A3GALT2: variants seen among roughly 807,000 people sequenced by gnomAD.
A3GALT2 encodes the protein alpha 1,3-galactosyltransferase 2, also known as alpha-1,3-galactosyltransferase 2.
In A3GALT2, 14 loss-of-function variants were observed where a neutral mutation model predicts 16.6. That is an observed-to-expected ratio of 0.84 (90% CI 0.56 to 1.32). The LOEUF is 1.32. Ranked by LOEUF, A3GALT2 falls within the 40% of genes most tolerant of loss-of-function variation. A3GALT2 has a pLI of 0.00. For missense variants in A3GALT2, 600 were observed against 490.9 expected (o/e 1.22, Z -2.10); for synonymous variants, 253 against 218.0 (o/e 1.16, Z -1.42).
chr1:33,314,959 AC>A (rs1464245606), intron 1 of A3GALT2: 1 of 152,184 alleles, frequency 6.6e-6, no homozygotes. Flanking sequence ...TTAAAAAAAA[AC>A]ATAATAGGGC....
intron 1 of A3GALT2, among the ~76,000 whole-genome samples, chr1:33,318,846 C>T (rs1006462279): frequency 6.6e-6 from 1 of 152,228 alleles, no homozygotes; most frequent in East Asian, 1.9e-4. Flanking sequence ...CTGTCTGCCT[C>T]ACTCATTATG....
Position 33,307,020 on chromosome 1 carries a change from C to A in A3GALT2, c.769G>T (p.Val257Leu). Reference protein sequence around the residue: ...GQGDFYNHAAVFGGSVAALRG... With the variant: ...GQGDFYNHAALFGGSVAALRG... ...AGCGCCGCCACGCTGCCCCCGAACA[C>A]CGCCGCGTGGTTATAGAAGTCGCCC... Residue 257 changes from valine to leucine, a missense_variant, in exon 5 of 5, where the codon GTG (valine) becomes TTG (leucine). Transcript: ENST00000442999. 1 of 1,479,308 alleles carries A rather than the reference C, an allele frequency of 6.8e-7. No homozygotes were observed. Among genetic ancestry groups the A allele is most frequent in the Non-Finnish European group, 8.9e-7 (1 of 1,119,822 alleles). 91.6% of individuals were successfully genotyped at this position (1,479,308 alleles called of 1,614,324 possible).
chr1:33,310,627 C>G (rs899370304), intron 4 of A3GALT2, among the ~76,000 whole-genome samples: 1 of 152,156 alleles, frequency 6.6e-6, no homozygotes, highest in Non-Finnish European at 1.5e-5. Flanking sequence ...AGTGGTTGAG[C>G]CAGGATTTGA....
At position 33,307,454 on chromosome 1, in the gene A3GALT2, C is replaced by A; in HGVS notation, c.336-1G>T. 1.3e-6 allele frequency: 2 copies of A among 1,497,126 alleles called. No individual in the cohort carries two copies. Among genetic ancestry groups the A allele is most frequent in the Admixed American group, 2.4e-5 (1 of 41,438 alleles). 92.7% of individuals were successfully genotyped at this position (1,497,126 alleles called of 1,614,324 possible). On this transcript the variant is annotated splice_acceptor_variant, in intron 4 of 4. Coordinates refer to ENST00000442999, the MANE Select transcript of A3GALT2 (RefSeq NM_001080438.1). LOFTEE classifies it high-confidence loss of function. ...GCGCTCCAGGTACTTCTCCAGGTATCTAAGGGCGCGGCGCCACCGTCAGCC... is the reference window on the plus strand; with the variant it reads ...GCGCTCCAGGTACTTCTCCAGGTATATAAGGGCGCGGCGCCACCGTCAGCC...
At chr1:33,310,948 T>C (rs1430583573) in intron 4 of A3GALT2, among the ~76,000 whole-genome samples, 2 of 152,124 alleles carry the variant, frequency 1.3e-5, no homozygotes, top group Non-Finnish European at 2.9e-5. Flanking sequence ...GTCCTTTTCA[T>C]CCCCTTGCCT....
rs1416311351 is a variant in A3GALT2, at chr1:33,307,174, G to C, written c.615C>G (p.Ser205Arg). 1 of 1,551,594 alleles carries C rather than the reference G, an allele frequency of 6.4e-7. No individual in the cohort carries two copies. The highest frequency in any genetic ancestry group is 8.7e-7 in the Non-Finnish European group (1 of 1,152,246). ...MFCMDVDQHF[S>R]GTFGPEALAE... Reference sequence around the variant, plus strand: ...CCAGCGCCTCGGGCCCAAAAGTGCCGCTGAAGTGCTGGTCCACGTCCATGC... The same window carrying C: ...CCAGCGCCTCGGGCCCAAAAGTGCCCCTGAAGTGCTGGTCCACGTCCATGC... The change falls in exon 5 of 5, where the codon AGC becomes AGG. Residue 205 changes from serine (S) to arginine (R), a missense_variant. Physicochemically the swap from Ser to Arg is moderately radical, Grantham distance 110. Transcript: ENST00000442999.
chr1:33,321,045 T>G, intron 1 of A3GALT2, 31 bp downstream of exon 1: 1 of 1,612,924 alleles, frequency 6.2e-7, no homozygotes, highest in Non-Finnish European at 8.5e-7. Context: ...CCCCAAGCTT[T>G]CTTCCTCTCC....
rs1205911300 is a variant in A3GALT2, at chr1:33,311,982, C to T, written c.335+70G>A. Reference sequence around the variant, plus strand: ...TGGCACAGGGGAGCAGGGTGCCCCGCCTCCTTCATCACATGCACACCCCTC... The same window carrying T: ...TGGCACAGGGGAGCAGGGTGCCCCGTCTCCTTCATCACATGCACACCCCTC... On this transcript the variant is annotated intron_variant, in intron 4 of 4. Transcript: ENST00000442999. 3.1e-6 allele frequency: 5 copies of T among 1,588,330 alleles called. No homozygotes were observed. In the Admixed American group the frequency reaches 8.7e-5, roughly 27 times the overall value.
rs970428370 is a variant in A3GALT2 at position 33,320,267 on chromosome 1, G to A, written c.23+809C>T. Among the ~76,000 whole-genome samples the A allele has an allele frequency of 3.3e-5, 5 of 152,030 alleles. No individual in the cohort carries two copies. Among genetic ancestry groups the A allele is most frequent in the South Asian group, 2.1e-4 (1 of 4,832 alleles). On this transcript the variant is annotated intron_variant, in intron 1 of 4. Transcript: ENST00000442999. This position sits in a 1 kb window ranked among gnomAD's most constrained non-coding sequence, Gnocchi z 4.3. ...CTGTGGGAGGTGTGCGAGGTACTGC[G>A]TAAGGTACTACAGGAGCAGGAAAAG... is the stretch of plus-strand genomic sequence containing the variant.
intron 4 of A3GALT2, among the ~76,000 whole-genome samples, chr1:33,310,336 G>C (rs981412756): frequency 2.7e-5 from 4 of 148,668 alleles, no homozygotes; most frequent in African/African-American, 1.0e-4. Context: ...GAGGGAGACC[G>C]GGGAGAGGGA....
At chr1:33,312,360 G>A in intron 3 of A3GALT2, 141 bp downstream of exon 3, 1 of 1,275,808 alleles carries the variant, frequency 7.8e-7, no homozygotes, top group Admixed American at 2.6e-5. Context: ...TGGGAGATGT[G>A]TGGCCCGATG....
intron 1 of A3GALT2, among the ~76,000 whole-genome samples, chr1:33,315,932 CG>C (rs59463354): frequency 5.3e-5 from 8 of 151,680 alleles, no homozygotes; most frequent in Non-Finnish European, 1.0e-4. Flanking sequence ...TGTAGTTGGG[CG>C]GGGGGGCAGT....
chr1:33,312,120 T>C lies in A3GALT2; in HGVS notation c.267A>G (p.Pro89=). ...APIIWDGSFD[P]DVAKQEARQQ... ...GTCTAGCCTCTTGCTTGGCCACATC[T>C]GGGTCGAAAGAGCCATCCCAAATAA... Residue 89 remains proline, a synonymous_variant, in exon 4 of 5, where the codon CCA becomes CCG. Coordinates refer to ENST00000442999, the MANE Select transcript of A3GALT2 (RefSeq NM_001080438.1). 6.2e-7 allele frequency: 1 copy of C among 1,613,656 alleles called. No homozygotes were observed. Among genetic ancestry groups the C allele is most frequent in the Non-Finnish European group, 8.5e-7 (1 of 1,179,822 alleles).
chr1:33,312,367 G>C (rs576714875), intron 3 of A3GALT2, 134 bp downstream of exon 3: 11 of 1,286,146 alleles, frequency 8.6e-6, no homozygotes, highest in African/African-American at 1.5e-5. Context: ...TGTGTGGCCC[G>C]ATGGGGCTGC....
At chr1:33,311,798 T>C (rs1570426287) in intron 4 of A3GALT2, among the ~76,000 whole-genome samples, 1 of 152,194 alleles carries the variant, frequency 6.6e-6, no homozygotes, top group Non-Finnish European at 1.5e-5. Flanking sequence ...CCTAGGCAGG[T>C]CCCTTCCAGA....
chr1:33,311,102 C>T (rs977256053), intron 4 of A3GALT2, among the ~76,000 whole-genome samples: 2 of 152,164 alleles, frequency 1.3e-5, no homozygotes, highest in Non-Finnish European at 2.9e-5. Flanking sequence ...CTTCCCAAAG[C>T]AACTAGTTCC....
chr1:33,307,278 C>G lies in A3GALT2; in HGVS notation c.511G>C (p.Asp171His). 7.0e-7 allele frequency: 1 copy of G among 1,428,014 alleles called. No homozygotes were observed. Among genetic ancestry groups the G allele is most frequent in the Middle Eastern group, 1.8e-4 (1 of 5,456 alleles). The allele number at this position is 1,428,014 out of a possible 1,614,324, so 88.5% of individuals were successfully genotyped here. A position where few individuals can be genotyped will look rare whatever the true frequency, so the allele number is the denominator to read the frequency against. Reference protein sequence around the residue: ...ERVARERRWQDVSMARMRTLH... With the variant: ...ERVARERRWQHVSMARMRTLH... ...GTGCGCATGCGCGCCATCGACACGT[C>G]TTGCCAGCGCCGCTCGCGCGCCACG... The change falls in exon 5 of 5, where the codon GAC becomes CAC. Residue 171 changes from aspartate to histidine, a missense_variant. Asp to His is a moderately conservative substitution (Grantham distance 81). Transcript: ENST00000442999.
intron 1 of A3GALT2, among the ~76,000 whole-genome samples, chr1:33,316,489 TG>T (rs1169008935): frequency 1.3e-5 from 2 of 151,824 alleles, no homozygotes; most frequent in Non-Finnish European, 2.9e-5. Context: ...TCCACAAACC[TG>T]AAAGTACTCC....
At chr1:33,309,871 G>A (rs897023664) in intron 4 of A3GALT2, among the ~76,000 whole-genome samples, 4 of 152,220 alleles carry the variant, frequency 2.6e-5, no homozygotes, top group Non-Finnish European at 5.9e-5. Context: ...GGACGGCCAG[G>A]CAGAGACGCT....
Sources: allele counts gnomAD v4.1 joint callset (sites outside exome capture counted in the v4.1 genomes callset), GRCh38; gene constraint gnomAD v4.1.1; non-coding constraint Gnocchi (gnomAD v3.1); transcripts MANE v1.5; gene names NCBI Gene and HGNC (gene_info 2026-07-23, HGNC 2026-07-21).